The following BICRAL variants were observed in gnomAD, a reference collection of about 807,000 sequenced individuals.
BICRAL encodes the protein BRD4-interacting chromatin-remodeling complex-associated protein-like.
Under a neutral mutation model 91.8 loss-of-function variants are expected in BICRAL, and 8 were observed. That is an observed-to-expected ratio of 0.09 (90% CI 0.05 to 0.16). BICRAL has a LOEUF of 0.16. Ranked by LOEUF, BICRAL falls within the 10% of genes least tolerant of loss-of-function variation. BICRAL has a pLI of 1.00. For missense variants in BICRAL, 1,038 were observed against 1,310.9 expected (o/e 0.79, Z 3.21); for synonymous variants, 445 against 491.1 (o/e 0.91, Z 1.24).
chr6:42,828,485 T>C lies in BICRAL; in HGVS notation c.160-8T>C, dbSNP rs1454306414. 1 of 1,600,764 alleles carries C rather than the reference T, an allele frequency of 6.2e-7. No homozygotes were observed. Among genetic ancestry groups the C allele is most frequent in the African/African-American group, 1.3e-5 (1 of 74,188 alleles). Reference sequence around the variant, plus strand: ...ATATGCCATGTAACATACTGTTTATTTTTTTAGAATGCTGATCCTAAGTCA... The same window carrying C: ...ATATGCCATGTAACATACTGTTTATCTTTTTAGAATGCTGATCCTAAGTCA... On this transcript the variant is annotated splice_region_variant and splice_polypyrimidine_tract_variant and intron_variant, in intron 5 of 12. Coordinates refer to ENST00000314073, the MANE Select transcript of BICRAL (RefSeq NM_001393499.1).
chr6:42,797,302 A>G (rs1269710613), intron 1 of BICRAL, among the ~76,000 whole-genome samples: 1 of 152,174 alleles, frequency 6.6e-6, no homozygotes, highest in Non-Finnish European at 1.5e-5. Context: ...GGATGAAGTG[A>G]GAAGTGGAAG....
Position 42,865,330 on chromosome 6 carries a change from T to C in BICRAL, c.3124T>C (p.Ser1042Pro). 1 of 1,613,972 alleles carries C rather than the reference T, an allele frequency of 6.2e-7. No homozygotes were observed. The highest frequency in any genetic ancestry group is 2.2e-5 in the East Asian group (1 of 44,878). Residue 1042 changes from serine to proline, a missense_variant, in exon 13 of 13, where the codon TCT becomes CCT. By Grantham distance (74) the Ser-to-Pro change is moderately conservative (BLOSUM62 -1). Coordinates refer to ENST00000314073, the MANE Select transcript of BICRAL (RefSeq NM_001393499.1). The stretch of plus-strand genomic sequence containing the variant: ...TGTTGAGTTAGATTTCCCCAACTTT[T>C]CTCCTATGGCTTCACAGGAAAACTG... ...GSVELDFPNFSPMASQENCLE... is the reference protein window; with the variant it reads ...GSVELDFPNFPPMASQENCLE...
chr6:42,814,519 ATTTTT>A (rs70990145), intron 2 of BICRAL, among the ~76,000 whole-genome samples: 17,241 of 79,136 alleles, frequency 0.22, 2,071 homozygotes, highest in South Asian at 0.34. Flanking sequence ...ATATATATAT[ATTTTT>A]TTTTTTTTTT....
rs138328652 is a variant in BICRAL, at chr6:42,824,335, T to G, written c.159+1332T>G. 4.0e-3 allele frequency among the ~76,000 whole-genome samples: 615 copies of G among 152,328 alleles called. 5 individuals carry two copies. The highest frequency in any genetic ancestry group is 0.014 in the African/African-American group (586 of 41,578). ...ACAAGTTATATATCCACTTTGCCAT[T>G]TTTCTAAGCTTTCAACTTTCTTTTT... On this transcript the variant is annotated intron_variant, in intron 5 of 12. Transcript: ENST00000314073.
At chr6:42,791,701 C>T (rs1259307249) in intron 1 of BICRAL, among the ~76,000 whole-genome samples, 2 of 152,172 alleles carry the variant, frequency 1.3e-5, no homozygotes, top group Non-Finnish European at 2.9e-5. Flanking sequence ...TGGGCTCAAG[C>T]GGTCTTCTCA....
rs1762320785 is a variant in BICRAL at position 42,748,288 on chromosome 6, AAAAC to A, written c.-261+1268_-261+1271del. Among the ~76,000 whole-genome samples, 3 of 152,158 alleles carry A rather than the reference AAAAC, an allele frequency of 2.0e-5. No homozygotes were observed. In the South Asian group the frequency reaches 6.2e-4, roughly 32 times the overall value. On this transcript the variant is annotated intron_variant, in intron 1 of 14. Coordinates refer to the BICRAL transcript ENST00000614467. ...TAGAGAAGATTTATTTTTCTAGAAAAAAACAACCTGACCTTTTAAGTTTTTCAGG... is the reference window on the plus strand; with the variant it reads ...TAGAGAAGATTTATTTTTCTAGAAAAAACCTGACCTTTTAAGTTTTTCAGG...
At chr6:42,784,890 A>G (rs777694072) in intron 1 of BICRAL, among the ~76,000 whole-genome samples, 6 of 152,156 alleles carry the variant, frequency 3.9e-5, no homozygotes, top group African/African-American at 1.4e-4. Flanking sequence ...TGCACCCGCT[A>G]TATCCAAAGA....
intron 2 of BICRAL, among the ~76,000 whole-genome samples, chr6:42,810,763 C>T (rs1469809746): frequency 6.6e-6 from 1 of 152,136 alleles, no homozygotes; most frequent in Non-Finnish European, 1.5e-5. Flanking sequence ...TAGCATAGTA[C>T]CTGGCACTAG....
chr6:42,821,144 C>T (rs1328590288), intron 2 of BICRAL: 1 of 152,188 alleles, frequency 6.6e-6, no homozygotes, highest in Non-Finnish European at 1.5e-5. Context: ...CCTGGCATTC[C>T]GTGATGTAAA....
chr6:42,752,912 C>CT (rs57864510), intron 1 of BICRAL, among the ~76,000 whole-genome samples: 14,014 of 82,028 alleles, frequency 0.17, 1,129 homozygotes, highest in Non-Finnish European at 0.2. Flanking sequence ...CCCCAGCTGA[C>CT]TTTTTTTTTT....
At chr6:42,799,869 ATATTTATT>A (rs201720820) in intron 1 of BICRAL, among the ~76,000 whole-genome samples, 41 of 151,150 alleles carry the variant, frequency 2.7e-4, no homozygotes, top group African/African-American at 5.6e-4. Context: ...TCTTTCTTAA[ATATTTATT>A]TATTTATTTA....
Position 42,865,502 on chromosome 6 carries a change from G to A in BICRAL, c.*56G>A, listed in dbSNP as rs1029932126. On this transcript the variant is annotated 3_prime_UTR_variant, in exon 13 of 13. Coordinates refer to ENST00000314073, the MANE Select transcript of BICRAL (RefSeq NM_001393499.1). ...AGACCCCACCCCGAGACCCCACCCC[G>A]GACCAGTTACATTCGTTCCTGGCAA... 43 of 745,056 alleles carry A rather than the reference G, an allele frequency of 5.8e-5. No homozygotes were observed. The highest frequency in any genetic ancestry group is 1.4e-4 in the Admixed American group (4 of 28,776). The allele number at this position is 745,056 out of a possible 1,614,324, so 46.2% of individuals were successfully genotyped here. A position where few individuals can be genotyped will look rare whatever the true frequency, so the allele number is the denominator to read the frequency against.
At position 42,855,865 on chromosome 6, in the gene BICRAL, C is replaced by G; in HGVS notation, c.2056C>G (p.His686Asp). ...PGHPAVQVES[H>D]SGGQKRPAAK... is the part of the protein sequence containing the mutation. The stretch of plus-strand genomic sequence containing the variant: ...TTTGTTTTGTCTTTAGGTGGAGAGT[C>G]ATTCGGGAGGACAAAAAAGGCCTGC... Residue 686 changes from histidine (H) to aspartate (D), a missense_variant, in exon 9 of 13, where the codon CAT (histidine) becomes GAT (aspartate). By Grantham distance (81) the His-to-Asp change is moderately conservative (BLOSUM62 -1). Around this residue, in one of 5 missense-constraint regions of BICRAL, gnomAD observed 532 missense variants for 724.9 expected, o/e 0.73. Transcript: ENST00000314073. 1 of 1,612,920 alleles carries G rather than the reference C, an allele frequency of 6.2e-7. No homozygotes were observed. Among genetic ancestry groups the G allele is most frequent in the East Asian group, 2.2e-5 (1 of 44,872 alleles).
intron 1 of BICRAL, among the ~76,000 whole-genome samples, chr6:42,782,880 T>G (rs1013087592): frequency 2.0e-5 from 3 of 151,250 alleles, no homozygotes; most frequent in Non-Finnish European, 4.4e-5. Flanking sequence ...TCTCCTCCCC[T>G]CTGTTTTCCC....
intron 2 of BICRAL, among the ~76,000 whole-genome samples, chr6:42,814,517 ATATTTTT>A (rs1468247455): frequency 3.3e-5 from 3 of 90,662 alleles, no homozygotes; most frequent in East Asian, 6.5e-4. Flanking sequence ...ATATATATAT[ATATTTTT>A]TTTTTTTTTT....
chr6:42,857,939 G>A (rs1161293159), intron 10 of BICRAL, among the ~76,000 whole-genome samples: 3 of 149,588 alleles, frequency 2.0e-5, no homozygotes, highest in Non-Finnish European at 4.4e-5. Context: ...CTCCCCAGTG[G>A]CTGAGATTAT....
At chr6:42,757,242 T>C (rs1242477302) in intron 1 of BICRAL, among the ~76,000 whole-genome samples, 2 of 146,652 alleles carry the variant, frequency 1.4e-5, no homozygotes, top group Non-Finnish European at 3.0e-5. Flanking sequence ...TCTATATAAA[T>C]AGTTTTTTTT....
At chr6:42,815,314 C>T (rs533541385) in intron 2 of BICRAL, among the ~76,000 whole-genome samples, 1 of 150,884 alleles carries the variant, frequency 6.6e-6, no homozygotes, top group South Asian at 2.1e-4. Context: ...CTAAGCCTCC[C>T]GAGTAGATAG....
upstream of BICRAL, among the ~76,000 whole-genome samples, chr6:42,781,596 G>GTGTGT (rs1562457230): frequency 9.4e-4 from 97 of 103,490 alleles, no homozygotes; most frequent in East Asian, 4.2e-3. Flanking sequence ...TGGGTGGGTG[G>GTGTGT]GTGTGTGTGT....
Sources: allele counts gnomAD v4.1 joint callset (sites outside exome capture counted in the v4.1 genomes callset), GRCh38; gene constraint gnomAD v4.1.1; regional missense constraint gnomAD v4.1.1; transcripts MANE v1.5; gene names NCBI Gene and HGNC (gene_info 2026-07-23, HGNC 2026-07-21).